Variants in BMAL1 observed in about 807,000 individuals in gnomAD.
The protein encoded by BMAL1 is basic helix-loop-helix ARNT-like protein 1.
the BMAL1 span, chr11:13,360,195 C>G: frequency 4.9e-6 from 3 of 615,452 alleles, no homozygotes; most frequent in Non-Finnish European, 8.3e-6. Context: ...AAAGCCAGAT[C>G]TAGGCTCATC....
chr11:13,381,136 G>C, the BMAL1 span: 1 of 1,607,284 alleles, frequency 6.2e-7, no homozygotes, highest in Non-Finnish European at 8.5e-7. Context: ...AAAAGAAAAG[G>C]CAGTGTAATT....
the BMAL1 span, among the ~76,000 whole-genome samples, chr11:13,370,485 T>C: frequency 6.6e-6 from 1 of 152,314 alleles, no homozygotes; most frequent in East Asian, 1.9e-4. Flanking sequence ...TCCTCCAGCA[T>C]AAATGGCACT....
chr11:13,312,995 T>G, the BMAL1 span, among the ~76,000 whole-genome samples: 1 of 152,236 alleles, frequency 6.6e-6, no homozygotes, highest in Admixed American at 6.5e-5. Flanking sequence ...GGGAAGGGCC[T>G]GTCCAAGAAG....
the BMAL1 span, among the ~76,000 whole-genome samples, chr11:13,349,218 T>C: frequency 2.6e-5 from 4 of 152,270 alleles, no homozygotes; most frequent in Non-Finnish European, 5.9e-5. Context: ...ATGTTTTCTT[T>C]AGACCGAGGA....
the BMAL1 span, among the ~76,000 whole-genome samples, chr11:13,298,657 G>T: frequency 6.6e-6 from 1 of 152,206 alleles, no homozygotes; most frequent in Non-Finnish European, 1.5e-5. Context: ...ATGAGTGAAT[G>T]AGTTTGGATG....
At chr11:13,286,873 T>C in the BMAL1 span, among the ~76,000 whole-genome samples, 17 of 152,268 alleles carry the variant, frequency 1.1e-4, no homozygotes, top group Admixed American at 1.1e-3. Context: ...TAAGTGCCCT[T>C]AGGGAATGGA....
the BMAL1 span, among the ~76,000 whole-genome samples, chr11:13,306,493 G>C: frequency 6.6e-6 from 1 of 152,190 alleles, no homozygotes; most frequent in Non-Finnish European, 1.5e-5. Context: ...GTGGCAGAGG[G>C]GTGTATTCTA....
At chr11:13,339,258 C>G in the BMAL1 span, among the ~76,000 whole-genome samples, 2 of 152,298 alleles carry the variant, frequency 1.3e-5, no homozygotes, top group African/African-American at 4.8e-5. Context: ...CGTGGCCACT[C>G]AGACTGACTC....
the BMAL1 span, among the ~76,000 whole-genome samples, chr11:13,369,338 G>GTA: frequency 7.2e-5 from 11 of 152,190 alleles, no homozygotes; most frequent in Non-Finnish European, 1.5e-4. Context: ...TTAGCCATAA[G>GTA]CGTCTATTGG....
the BMAL1 span, among the ~76,000 whole-genome samples, chr11:13,382,002 A>G: frequency 6.6e-6 from 1 of 152,286 alleles, no homozygotes; most frequent in African/African-American, 2.4e-5. Context: ...AATATCAGGA[A>G]TTTCCATAGG....
chr11:13,334,477 G>A, the BMAL1 span, among the ~76,000 whole-genome samples: 3 of 151,698 alleles, frequency 2.0e-5, no homozygotes, highest in Non-Finnish European at 4.4e-5. Context: ...GCCCCACAGG[G>A]TTCATAAAAT....
At chr11:13,386,860 T>TACTG in the BMAL1 span, 2 of 1,352,396 alleles carry the variant, frequency 1.5e-6, no homozygotes, top group Non-Finnish European at 2.0e-6. Context: ...AGCTTTTATG[T>TACTG]ACTGACTTCA....
the BMAL1 span, among the ~76,000 whole-genome samples, chr11:13,289,573 C>T: frequency 4.6e-5 from 7 of 152,238 alleles, no homozygotes; most frequent in Admixed American, 1.3e-4. Context: ...TGATGTTCCC[C>T]GCCCCGTGTC....
At chr11:13,326,481 A>G in the BMAL1 span, 1 of 152,172 alleles carries the variant, frequency 6.6e-6, no homozygotes, top group Non-Finnish European at 1.5e-5. Context: ...AGCACTTCAC[A>G]TGCATTCTCT....
the BMAL1 span, chr11:13,277,762 G>A: frequency 6.6e-6 from 1 of 152,580 alleles, no homozygotes; most frequent in East Asian, 1.9e-4. Context: ...CTGGGCCGGC[G>A]GGGAGCGGAT....
the BMAL1 span, chr11:13,277,553 G>C: frequency 2.6e-5 from 4 of 152,162 alleles, no homozygotes; most frequent in Non-Finnish European, 5.9e-5. Context: ...TTGGTCAGCG[G>C]CCTCTCTAGC....
the BMAL1 span, among the ~76,000 whole-genome samples, chr11:13,343,272 G>C: frequency 6.6e-6 from 1 of 152,198 alleles, no homozygotes; most frequent in African/African-American, 2.4e-5. Flanking sequence ...AAAGGGTCTA[G>C]AGCAGTAAAA....
the BMAL1 span, among the ~76,000 whole-genome samples, chr11:13,351,930 A>G: frequency 1.3e-5 from 2 of 152,168 alleles, no homozygotes; most frequent in Non-Finnish European, 2.9e-5. Flanking sequence ...CTGGAGGAGG[A>G]TGGTATTCAA....
At chr11:13,366,871 G>A in the BMAL1 span, 2 of 946,504 alleles carry the variant, frequency 2.1e-6, no homozygotes, top group Non-Finnish European at 3.2e-6. Flanking sequence ...TGTGTGATGG[G>A]CTCAGCCTTT....
Sources: allele counts gnomAD v4.1 joint callset (sites outside exome capture counted in the v4.1 genomes callset), GRCh38; gene constraint gnomAD v4.1.1; transcripts MANE v1.5; gene names NCBI Gene and HGNC (gene_info 2026-07-23, HGNC 2026-07-21).